PLCB1: variants seen among roughly 807,000 people sequenced by gnomAD.
PLCB1 encodes the protein 1-phosphatidylinositol 4,5-bisphosphate phosphodiesterase beta-1.
PLCB1 carries 46 observed loss-of-function variants against 161.8 expected under a neutral mutation model. The observed-to-expected ratio is 0.28, with a 90% CI of 0.22 to 0.36. PLCB1 has a LOEUF of 0.36. Ranked by LOEUF, PLCB1 falls within the 10% of genes least tolerant of loss-of-function variation. The pLI is 1.00. For missense variants in PLCB1, 1,016 were observed against 1,472.5 expected (o/e 0.69, Z 5.07); for synonymous variants, 517 against 503.7 (o/e 1.03, Z -0.35).
chr20:8,455,818 G>C (rs1981290930), intron 3 of PLCB1, among the ~76,000 whole-genome samples: 1 of 152,140 alleles, frequency 6.6e-6, no homozygotes, highest in Non-Finnish European at 1.5e-5. Flanking sequence ...TCACTCCCCA[G>C]CGTCACACAA....
intron 7 of PLCB1, chr20:8,649,997 C>T (rs1989268702): frequency 6.6e-6 from 1 of 152,080 alleles, no homozygotes; most frequent in Non-Finnish European, 1.5e-5. Flanking sequence ...TTGGTGAGGC[C>T]TCTTTTCACT....
chr20:8,517,084 T>A (rs1034354156), intron 3 of PLCB1, among the ~76,000 whole-genome samples: 2 of 151,980 alleles, frequency 1.3e-5, no homozygotes, highest in Admixed American at 1.3e-4. Context: ...ATAGAGGGGT[T>A]GGGCGTTCCA....
intron 2 of PLCB1, among the ~76,000 whole-genome samples, chr20:8,199,855 T>G (rs548024490): frequency 6.6e-6 from 1 of 152,288 alleles, no homozygotes; most frequent in East Asian, 1.9e-4. Context: ...TTACAAATGT[T>G]AACTTATTTT....
intron 2 of PLCB1, among the ~76,000 whole-genome samples, chr20:8,161,161 T>TA (rs1437281123): frequency 6.6e-6 from 1 of 152,058 alleles, no homozygotes; most frequent in African/African-American, 2.4e-5. Flanking sequence ...TACATATTTT[T>TA]ATACATATAT....
chr20:8,295,644 A>G (rs555205271), intron 2 of PLCB1, among the ~76,000 whole-genome samples: 2 of 152,254 alleles, frequency 1.3e-5, no homozygotes, highest in African/African-American at 4.8e-5. Context: ...TGATGTTTTC[A>G]CTTATGTACT....
chr20:8,777,336 C>T (rs1982993038), intron 27 of PLCB1, among the ~76,000 whole-genome samples: 1 of 152,102 alleles, frequency 6.6e-6, no homozygotes, highest in Non-Finnish European at 1.5e-5. Flanking sequence ...TCCCAAAGTT[C>T]AGGCCAACAG....
intron 12 of PLCB1, among the ~76,000 whole-genome samples, chr20:8,712,746 C>T (rs1483724604): frequency 6.6e-6 from 1 of 152,136 alleles, no homozygotes; most frequent in Non-Finnish European, 1.5e-5. Flanking sequence ...AGGATTTGCT[C>T]CCAAGAAATC....
chr20:8,258,755 G>A (rs1275019813), intron 2 of PLCB1, among the ~76,000 whole-genome samples: 2 of 151,890 alleles, frequency 1.3e-5, no homozygotes, highest in South Asian at 2.1e-4. Context: ...TGTTATTTTT[G>A]GCTTAATATG....
intron 12 of PLCB1, among the ~76,000 whole-genome samples, chr20:8,710,515 T>C (rs960917381): frequency 4.9e-5 from 7 of 142,322 alleles, no homozygotes; most frequent in African/African-American, 1.3e-4. Flanking sequence ...TTTTTTTTTT[T>C]TTTTTTTTTT....
chr20:8,354,242 C>T (rs995808397), intron 2 of PLCB1, among the ~76,000 whole-genome samples: 1 of 151,902 alleles, frequency 6.6e-6, no homozygotes, highest in South Asian at 2.1e-4. Context: ...TAATTTGTAT[C>T]GTGTATTTTA....
intron 3 of PLCB1, among the ~76,000 whole-genome samples, chr20:8,443,492 A>G (rs1416297133): frequency 1.3e-5 from 2 of 152,210 alleles, no homozygotes; most frequent in Non-Finnish European, 2.9e-5. Flanking sequence ...AGGGAAACCT[A>G]TTGACCATTA....
At chr20:8,245,200 C>G (rs1600258697) in intron 2 of PLCB1, among the ~76,000 whole-genome samples, 1 of 151,864 alleles carries the variant, frequency 6.6e-6, no homozygotes, top group Admixed American at 6.6e-5. Flanking sequence ...CCTGTTTCTT[C>G]TACCTCTTTT....
chr20:8,140,519 C>T (rs918216081), intron 1 of PLCB1, among the ~76,000 whole-genome samples: 2 of 152,170 alleles, frequency 1.3e-5, no homozygotes, highest in Non-Finnish European at 2.9e-5. Context: ...GTCCTAATAG[C>T]AGGCATTCAT....
chr20:8,243,508 C>T (rs1189045485), intron 2 of PLCB1, among the ~76,000 whole-genome samples: 3 of 151,874 alleles, frequency 2.0e-5, no homozygotes, highest in African/African-American at 7.2e-5. Flanking sequence ...GCGTCTATAA[C>T]TCCGGCTAAG....
At chr20:8,830,172 T>C (rs1034876263) in intron 31 of PLCB1, among the ~76,000 whole-genome samples, 7 of 152,116 alleles carry the variant, frequency 4.6e-5, no homozygotes, top group South Asian at 2.1e-4. Flanking sequence ...TTAGAAATCA[T>C]AGGAAGGGGT....
intron 3 of PLCB1, among the ~76,000 whole-genome samples, chr20:8,486,565 G>A (rs1025326693): frequency 5.9e-5 from 8 of 135,188 alleles, no homozygotes; most frequent in African/African-American, 2.1e-4. Flanking sequence ...GCGCAATCTC[G>A]GCTCACTGCA....
At chr20:8,783,290 T>G (rs2146213732) in intron 27 of PLCB1, among the ~76,000 whole-genome samples, 1 of 152,354 alleles carries the variant, frequency 6.6e-6, no homozygotes, top group Middle Eastern at 3.4e-3. Context: ...TTCTCTACCT[T>G]TAATAGTCAG....
chr20:8,482,248 C>A (rs1380932811), intron 3 of PLCB1, among the ~76,000 whole-genome samples: 9 of 151,736 alleles, frequency 5.9e-5, no homozygotes, highest in Admixed American at 5.9e-4. Flanking sequence ...AGATTACAGG[C>A]ACATACCAGC....
At chr20:8,836,626 T>A (rs1204319462) in intron 31 of PLCB1, among the ~76,000 whole-genome samples, 1 of 151,548 alleles carries the variant, frequency 6.6e-6, no homozygotes, top group African/African-American at 2.4e-5. Flanking sequence ...TGATAGATAG[T>A]CCGTGGTGTA....
Sources: allele counts gnomAD v4.1 joint callset (sites outside exome capture counted in the v4.1 genomes callset), GRCh38; gene constraint gnomAD v4.1.1; transcripts MANE v1.5; gene names NCBI Gene and HGNC (gene_info 2026-07-23, HGNC 2026-07-21).